ERBB4: variants seen among roughly 807,000 people sequenced by gnomAD.
ERBB4 encodes receptor tyrosine-protein kinase erbB-4.
ERBB4 carries 42 observed loss-of-function variants against 158.0 expected under a neutral mutation model. The observed-to-expected ratio is 0.27, with a 90% CI of 0.21 to 0.34. ERBB4 has a LOEUF of 0.34. Among genes scored for constraint, ERBB4 ranks in the 10% least tolerant of loss-of-function variants. ERBB4 has a pLI of 1.00. For synonymous variants in ERBB4, 583 were observed against 558.7 expected, an observed-to-expected ratio of 1.04 and a Z score of -0.61; for missense variants, 1,333 against 1,624.1, an observed-to-expected ratio of 0.82 and a Z score of 3.08.
chr2:212,334,137 A>G (rs1280523670), intron 1 of ERBB4, among the ~76,000 whole-genome samples: 1 of 152,070 alleles, frequency 6.6e-6, no homozygotes, highest in Non-Finnish European at 1.5e-5. Flanking sequence ...AGGTTCTCTA[A>G]GTGAATTGAT....
intron 1 of ERBB4, among the ~76,000 whole-genome samples, chr2:212,177,591 A>C (rs930033810): frequency 4.6e-5 from 7 of 151,832 alleles, no homozygotes; most frequent in African/African-American, 1.7e-4. Flanking sequence ...GCTCATGCTG[A>C]AGGTTCACTT....
chr2:212,185,294 T>G (rs115064813), intron 1 of ERBB4, among the ~76,000 whole-genome samples: 4,081 of 151,902 alleles, frequency 0.027, 63 homozygotes, highest in Middle Eastern at 0.054. Context: ...AATGCTGGGA[T>G]TAGAGGTGTG....
At chr2:211,735,503 C>T (rs545513671) in intron 5 of ERBB4, among the ~76,000 whole-genome samples, 15 of 152,216 alleles carry the variant, frequency 9.9e-5, no homozygotes, top group African/African-American at 2.9e-4. Context: ...TTAAATACAA[C>T]GCCAAATAGC....
At chr2:211,603,662 A>T (rs2125818958) in intron 19 of ERBB4, among the ~76,000 whole-genome samples, 1 of 152,300 alleles carries the variant, frequency 6.6e-6, no homozygotes, top group East Asian at 1.9e-4. Context: ...TGTACATGAT[A>T]AAATTCCTGG....
At chr2:212,062,396 A>ATTTTTTTTTTTTTTT (rs1559419685) in intron 2 of ERBB4, among the ~76,000 whole-genome samples, 28 of 96,532 alleles carry the variant, frequency 2.9e-4, no homozygotes, top group Middle Eastern at 7.6e-3. Context: ...TCACTTGTCA[A>ATTTTTTTTTTTTTTT]TTCTTTTTTT....
intron 27 of ERBB4, among the ~76,000 whole-genome samples, chr2:211,384,978 G>A (rs970972131): frequency 2.0e-5 from 3 of 151,780 alleles, no homozygotes; most frequent in African/African-American, 4.8e-5. Flanking sequence ...ACATAAACAC[G>A]CATGTATTGT....
intron 3 of ERBB4, among the ~76,000 whole-genome samples, chr2:211,875,580 G>A (rs1281834946): frequency 6.6e-6 from 1 of 152,132 alleles, no homozygotes; most frequent in Non-Finnish European, 1.5e-5. Flanking sequence ...AGTGTCTAGT[G>A]ATGTCATAGC....
intron 1 of ERBB4, among the ~76,000 whole-genome samples, chr2:212,434,635 A>G (rs1236570327): frequency 6.6e-6 from 1 of 151,922 alleles, no homozygotes; most frequent in Non-Finnish European, 1.5e-5. Context: ...AGTAAACTTC[A>G]AATTCTCAAA....
chr2:212,412,905 A>T (rs908262515), intron 1 of ERBB4, among the ~76,000 whole-genome samples: 23 of 152,178 alleles, frequency 1.5e-4, no homozygotes, highest in African/African-American at 4.8e-4. Context: ...AGCCTGATGA[A>T]CAGAATAATT....
chr2:211,910,511 G>T (rs1219436360), intron 3 of ERBB4, among the ~76,000 whole-genome samples: 1 of 151,290 alleles, frequency 6.6e-6, no homozygotes, highest in African/African-American at 2.4e-5. Flanking sequence ...ACTTATAAGT[G>T]GGAGATAAAT....
intron 4 of ERBB4, among the ~76,000 whole-genome samples, chr2:211,762,860 G>A (rs2075449589): frequency 6.6e-6 from 1 of 152,108 alleles, no homozygotes; most frequent in Admixed American, 6.5e-5. Flanking sequence ...CTCTCTTCCT[G>A]CTGTCCGTCA....
At chr2:212,167,827 A>T (rs1192493188) in intron 1 of ERBB4, among the ~76,000 whole-genome samples, 2 of 152,246 alleles carry the variant, frequency 1.3e-5, no homozygotes, top group Middle Eastern at 3.4e-3. Flanking sequence ...TCCTCAGCAA[A>T]CTAATACAGG....
intron 1 of ERBB4, among the ~76,000 whole-genome samples, chr2:212,227,244 C>CA (rs57150566): frequency 0.33 from 45,359 of 136,394 alleles, 8,062 homozygotes; most frequent in African/African-American, 0.46. Context: ...GACTCCACCT[C>CA]AAAAAAAAAA....
chr2:212,244,793 C>A (rs575175705), intron 1 of ERBB4, among the ~76,000 whole-genome samples: 71 of 152,242 alleles, frequency 4.7e-4, no homozygotes, highest in African/African-American at 1.6e-3. Flanking sequence ...ATGATCTCAT[C>A]CCACTTTCTA....
At chr2:211,479,769 T>C (rs534543489) in intron 20 of ERBB4, among the ~76,000 whole-genome samples, 1 of 152,166 alleles carries the variant, frequency 6.6e-6, no homozygotes, top group Non-Finnish European at 1.5e-5. Flanking sequence ...AATCACAATG[T>C]TTTGGGGCAA....
At chr2:212,175,555 G>A (rs62182564) in intron 1 of ERBB4, among the ~76,000 whole-genome samples, 39,582 of 151,108 alleles carry the variant, frequency 0.26, 5,265 homozygotes, top group South Asian at 0.35. Flanking sequence ...TAATTTTCGC[G>A]CTATGTCTAA....
At chr2:211,571,402 T>C (rs1374580323) in intron 19 of ERBB4, among the ~76,000 whole-genome samples, 1 of 152,192 alleles carries the variant, frequency 6.6e-6, no homozygotes, top group Non-Finnish European at 1.5e-5. Context: ...TTTGAAGCAA[T>C]GTAAACAGCA....
At chr2:212,316,386 C>T (rs960083118) in intron 1 of ERBB4, among the ~76,000 whole-genome samples, 2 of 151,384 alleles carry the variant, frequency 1.3e-5, no homozygotes, top group African/African-American at 4.8e-5. Flanking sequence ...GCATCTGACC[C>T]CAAAGTAGTC....
At chr2:212,368,030 T>G (rs1198016796) in intron 1 of ERBB4, among the ~76,000 whole-genome samples, 1 of 152,118 alleles carries the variant, frequency 6.6e-6, no homozygotes. Context: ...TGGGGATTCC[T>G]TAAAGAACTA....
Sources: gnomAD v4.1 joint callset for allele counts (sites outside exome capture counted in the v4.1 genomes callset) on GRCh38, gnomAD v4.1.1 for gene constraint, MANE v1.5 for transcripts, NCBI Gene and HGNC (gene_info 2026-07-23, HGNC 2026-07-21) for gene names.